WNT5A: variants seen among roughly 807,000 people sequenced by gnomAD.
WNT5A encodes the protein protein Wnt-5a.
A neutral mutation model predicts 42.1 loss-of-function variants in WNT5A; 9 were observed. The observed-to-expected ratio is 0.21, with a 90% CI of 0.13 to 0.37. The LOEUF (loss-of-function observed/expected upper bound fraction) is 0.37, where lower values mean the gene tolerates loss of function less well. Among genes scored for constraint, WNT5A ranks in the 10% least tolerant of loss-of-function variants. The pLI is 1.00. For synonymous variants in WNT5A, 210 were observed against 210.0 expected (o/e 1.00, Z 0.00); for missense variants, 426 against 534.0 (o/e 0.80, Z 1.99).
chr3:55,492,127 G>A (rs1302450697), upstream of WNT5A, among the ~76,000 whole-genome samples: 1 of 152,070 alleles, frequency 6.6e-6, no homozygotes, highest in East Asian at 1.9e-4. Context: ...AATTATCCCA[G>A]CACCATTTGT....
chr3:55,501,135 A>G, the WNT5A span, among the ~76,000 whole-genome samples: 1 of 152,226 alleles, frequency 6.6e-6, no homozygotes, highest in Non-Finnish European at 1.5e-5. Flanking sequence ...AGGCCTGGGA[A>G]TGAAACAATT....
upstream of WNT5A, among the ~76,000 whole-genome samples, chr3:55,491,407 C>A (rs915167464): frequency 6.6e-6 from 1 of 152,148 alleles, no homozygotes; most frequent in Non-Finnish European, 1.5e-5. Context: ...ATTGAGTCAT[C>A]CGAAGATATA....
intron 3 of WNT5A, among the ~76,000 whole-genome samples, chr3:55,478,354 G>C (rs540249955): frequency 6.6e-6 from 1 of 151,884 alleles, no homozygotes; most frequent in African/African-American, 2.4e-5. Flanking sequence ...TGGACATTAA[G>C]CCAACTTTTC....
intron 1 of WNT5A, among the ~76,000 whole-genome samples, chr3:55,482,216 G>C (rs1055366472): frequency 6.6e-6 from 1 of 152,230 alleles, no homozygotes; most frequent in Admixed American, 6.5e-5. Context: ...CCCCAGCGGC[G>C]AAGGTTCCCT....
intron 1 of WNT5A, chr3:55,481,154 G>A (rs1360942791): frequency 1.2e-5 from 8 of 672,064 alleles, no homozygotes; most frequent in Non-Finnish European, 1.6e-5. Flanking sequence ...GGGCACGCCA[G>A]CGATTACAAA....
At chr3:55,471,067 G>A (rs1261186153) in intron 4 of WNT5A, among the ~76,000 whole-genome samples, 4 of 152,188 alleles carry the variant, frequency 2.6e-5, no homozygotes, top group Admixed American at 2.6e-4. Context: ...CTTGCCCATG[G>A]ATATCCAGCC....
intron 1 of WNT5A, among the ~76,000 whole-genome samples, chr3:55,485,100 G>A: frequency 6.6e-6 from 1 of 151,572 alleles, no homozygotes; most frequent in Middle Eastern, 3.4e-3. Flanking sequence ...GCGGCGCAGC[G>A]AAACTGGTCC....
chr3:55,479,384 T>C lies in WNT5A; in HGVS notation c.321A>G (p.Gln107=), dbSNP rs1279913031. The C allele has an allele frequency of 2.5e-6, 4 of 1,613,930 alleles. No homozygotes were observed. Among genetic ancestry groups the C allele is most frequent in the South Asian group, 1.1e-5 (1 of 91,060 alleles). ...TGCAGTTCCACCTTCGATGTCGGAA[T>C]TGATACTGGCATTCTTTGATGCCTG... ...AKTGIKECQY[Q]FRHRRWNCST... Residue 107 remains glutamine (Q), a synonymous_variant, in exon 3 of 5, where the codon CAA becomes CAG. Coordinates refer to ENST00000264634, the MANE Select transcript of WNT5A (RefSeq NM_003392.7).
rs2051445524 is a variant in WNT5A at position 55,480,835 on chromosome 3, C to T, written c.90G>A (p.Leu30=). The change falls in exon 2 of 5, where the codon TTG becomes TTA. Residue 30 remains leucine (L), a synonymous_variant. Coordinates refer to ENST00000264634, the MANE Select transcript of WNT5A (RefSeq NM_003392.7). ...CCTGGGCGAAGGAGAAAAATATGGCCAAAGCCACTAGGAAGAACTTGGAAG... is the reference window on the plus strand; with the variant it reads ...CCTGGGCGAAGGAGAAAAATATGGCTAAAGCCACTAGGAAGAACTTGGAAG... ...AMSSKFFLVA[L]AIFFSFAQVV... is the part of the protein sequence containing the mutation. The T allele has an allele frequency of 6.3e-7, 1 of 1,581,970 alleles. No homozygotes were observed. Among genetic ancestry groups the T allele is most frequent in the Non-Finnish European group, 8.6e-7 (1 of 1,162,688 alleles).
upstream of WNT5A, among the ~76,000 whole-genome samples, chr3:55,491,957 T>A (rs524153): frequency 1.3e-5 from 2 of 152,012 alleles, no homozygotes; most frequent in Admixed American, 6.5e-5. Flanking sequence ...TAATACCATC[T>A]CTTTGTGCTG....
the WNT5A span, among the ~76,000 whole-genome samples, chr3:55,495,933 T>A: frequency 1.3e-5 from 2 of 152,230 alleles, no homozygotes; most frequent in Non-Finnish European, 2.9e-5. Context: ...AGTTACTTGG[T>A]ATTCCTGACA....
intron 2 of WNT5A, 141 bp from the exon 3 acceptor site, chr3:55,479,705 G>A: frequency 8.1e-7 from 1 of 1,236,698 alleles, no homozygotes; most frequent in East Asian, 2.4e-5. Context: ...GTATGAGAAG[G>A]GCTTCATAAA....
rs1431338464 is a variant in WNT5A, at chr3:55,481,340, G to C, written c.7-422C>G. On this transcript the variant is annotated intron_variant, in intron 1 of 4. Coordinates refer to ENST00000264634, the MANE Select transcript of WNT5A (RefSeq NM_003392.7). ...CCGTCCTCTCCCCAACCTGGGCCGA[G>C]CAACAAGTGGAGCCAGAATTAATTC... The C allele has an allele frequency of 4.1e-6, 4 of 986,934 alleles. No homozygotes were observed. In the East Asian group the frequency reaches 4.5e-4, roughly 111 times the overall value. 61.1% of individuals were successfully genotyped at this position (986,934 alleles called of 1,614,324 possible). A position where few individuals can be genotyped will look rare whatever the true frequency, so the allele number is the denominator to read the frequency against.
Position 55,474,450 on chromosome 3 carries a change from G to A in WNT5A, c.571C>T (p.Arg191Cys), listed in dbSNP as rs1448321572. 4 of 1,608,956 alleles carry A rather than the reference G, an allele frequency of 2.5e-6. No individual in the cohort carries two copies. The highest frequency in any genetic ancestry group is 3.4e-5 in the Admixed American group (2 of 59,684). ...GCGDNIDYGY[R>C]FAKEFVDARE... ...GCGTCCACGAACTCCTTGGCAAAGCGGTAGCCATAGTCGATGTTGTCGCCG... is the reference window on the plus strand; with the variant it reads ...GCGTCCACGAACTCCTTGGCAAAGCAGTAGCCATAGTCGATGTTGTCGCCG... Residue 191 changes from arginine (R) to cysteine (C), a missense_variant, in exon 4 of 5, where the codon CGC (arginine) becomes TGC (cysteine). Physicochemically the swap from Arg to Cys is radical, Grantham distance 180. Around this residue, in one of 3 missense-constraint regions of WNT5A, gnomAD observed 358 missense variants for 468.1 expected, o/e 0.76. Transcript: ENST00000264634.
chr3:55,504,055 T>A, the WNT5A span, among the ~76,000 whole-genome samples: 1 of 152,076 alleles, frequency 6.6e-6, no homozygotes, highest in Admixed American at 6.5e-5. Flanking sequence ...GTGGATCACT[T>A]GAGGTCAGGA....
chr3:55,487,439 G>A (rs2051599604), upstream of WNT5A: 1 of 161,244 alleles, frequency 6.2e-6, no homozygotes, highest in Admixed American at 6.4e-5. Flanking sequence ...TTCACAAGAG[G>A]GTGAAAAAAA....
In WNT5A at chr3:55,471,077, C is replaced by T. The variant is rs868363550; in HGVS notation, c.685-527G>A. ...AGTGACTTGCCCATGGATATCCAGCCGGTAAGTGCAGAATTGGGAAGAGTC... is the reference window on the plus strand; with the variant it reads ...AGTGACTTGCCCATGGATATCCAGCTGGTAAGTGCAGAATTGGGAAGAGTC... On this transcript the variant is annotated intron_variant, in intron 4 of 4. Coordinates refer to ENST00000264634, the MANE Select transcript of WNT5A (RefSeq NM_003392.7). 4.4e-4 allele frequency among the ~76,000 whole-genome samples: 67 copies of T among 152,278 alleles called. 1 individual carries two copies. The highest frequency in any genetic ancestry group is 2.7e-3 in the Admixed American group (41 of 15,296).
chr3:55,485,668 G>A (rs1032734197), intron 1 of WNT5A, among the ~76,000 whole-genome samples: 1 of 152,158 alleles, frequency 6.6e-6, no homozygotes, highest in African/African-American at 2.4e-5. Flanking sequence ...AGGTGGCTGG[G>A]GGGAGGGCAG....
In WNT5A at chr3:55,466,177, C is replaced by A. The variant is rs752223037; in HGVS notation, c.*3915G>T. 3.3e-5 allele frequency: 5 copies of A among 152,042 alleles called. No individual in the cohort carries two copies. The highest frequency in any genetic ancestry group is 5.9e-5 in the Non-Finnish European group (4 of 68,004). 9.4% of individuals were successfully genotyped at this position (152,042 alleles called of 1,614,324 possible). A position where few individuals can be genotyped will look rare whatever the true frequency, so the allele number is the denominator to read the frequency against. On this transcript the variant is annotated 3_prime_UTR_variant, in exon 5 of 5. Coordinates refer to ENST00000264634, the MANE Select transcript of WNT5A (RefSeq NM_003392.7). ...CAGAGAGAGAAAAGACTAGAAAATACTTTAAAAAAAATAAATATTTTAAAA... is the reference window on the plus strand; with the variant it reads ...CAGAGAGAGAAAAGACTAGAAAATAATTTAAAAAAAATAAATATTTTAAAA...
Sources: allele counts gnomAD v4.1 joint callset (sites outside exome capture counted in the v4.1 genomes callset), GRCh38; gene constraint gnomAD v4.1.1; regional missense constraint gnomAD v4.1.1; transcripts MANE v1.5; gene names NCBI Gene and HGNC (gene_info 2026-07-23, HGNC 2026-07-21).